Variants in WRN observed in about 807,000 individuals in gnomAD.
The protein encoded by WRN is WRN RecQ like helicase.
A neutral mutation model predicts 180.7 loss-of-function variants in WRN; 149 were observed. The ratio of observed to expected loss-of-function variants is 0.82; its 90% CI spans 0.72 to 0.94. The LOEUF is 0.94. Among genes scored for constraint, WRN ranks in the 40% least tolerant of loss-of-function variants. The pLI is 0.00. For synonymous variants in WRN, 548 were observed against 568.9 expected (o/e 0.96, Z 0.52); for missense variants, 1,661 against 1,700.1 (o/e 0.98, Z 0.40).
intron 32 of WRN, among the ~76,000 whole-genome samples, chr8:31,155,465 T>C (rs1803345381): frequency 6.6e-6 from 1 of 151,746 alleles, no homozygotes; most frequent in South Asian, 2.1e-4. Context: ...TTACTAAAAA[T>C]ACAAAAATTA....
In WRN at chr8:31,085,191, A is replaced by G. The variant is rs1813481254; in HGVS notation, c.1376A>G (p.Asn459Ser). 1 of 1,612,954 alleles carries G rather than the reference A, an allele frequency of 6.2e-7. No homozygotes were observed. Among genetic ancestry groups the G allele is most frequent in the Admixed American group, 1.7e-5 (1 of 59,978 alleles). ...CATTTATCTCCCAATGATAATGAAAACGATACGTCCTATGTAATTGAGAGT... is the reference window on the plus strand; with the variant it reads ...CATTTATCTCCCAATGATAATGAAAGCGATACGTCCTATGTAATTGAGAGT... ...LKHLSPNDNE[N>S]DTSYVIESDE... The change falls in exon 11 of 35, where the codon AAC (asparagine) becomes AGC (serine). Residue 459 changes from asparagine (N) to serine (S), a missense_variant. By Grantham distance (46) the Asn-to-Ser change is conservative (BLOSUM62 1). Transcript: ENST00000298139.
intron 20 of WRN, among the ~76,000 whole-genome samples, chr8:31,117,463 G>A (rs549951249): frequency 6.6e-6 from 1 of 152,306 alleles, no homozygotes; most frequent in South Asian, 2.1e-4. Flanking sequence ...AAATTCTACA[G>A]TTGAGATTCC....
intron 19 of WRN, among the ~76,000 whole-genome samples, chr8:31,112,845 T>C (rs112989750): frequency 0.032 from 4,940 of 152,160 alleles, 268 homozygotes; most frequent in African/African-American, 0.11. Flanking sequence ...GTGTTGGCCT[T>C]CCAAAGTGCT....
At chr8:31,076,121 A>G (rs1448084178) in intron 7 of WRN, 52 bp from the exon 8 acceptor site, 2 of 1,410,176 alleles carry the variant, frequency 1.4e-6, no homozygotes, top group Non-Finnish European at 2.0e-6. Flanking sequence ...TGGCTAAATG[A>G]ATATCTCTGC....
At chr8:31,049,498 C>T (rs1034277472) in intron 1 of WRN, among the ~76,000 whole-genome samples, 3 of 146,838 alleles carry the variant, frequency 2.0e-5, no homozygotes, top group Non-Finnish European at 3.0e-5. Context: ...AGCAACAGAG[C>T]TAGACTCTGT....
At chr8:31,078,376 A>C (rs989795608) in intron 8 of WRN, among the ~76,000 whole-genome samples, 6 of 152,158 alleles carry the variant, frequency 3.9e-5, no homozygotes, top group African/African-American at 1.2e-4. Context: ...CAGTCAAAAT[A>C]ATGCTATAAG....
chr8:31,087,669 C>A, intron 11 of WRN, 107 bp from the exon 12 acceptor site: 2 of 1,182,082 alleles, frequency 1.7e-6, no homozygotes, highest in Non-Finnish European at 2.5e-6. Context: ...CATCTGCCAG[C>A]TTTCGACAAA....
At chr8:31,053,824 G>C (rs1812166230) in intron 1 of WRN, among the ~76,000 whole-genome samples, 1 of 152,202 alleles carries the variant, frequency 6.6e-6, no homozygotes, top group Admixed American at 6.5e-5. Flanking sequence ...ACTAGTAGAG[G>C]AAAGTCAGTG....
chr8:31,088,554 G>A lies in WRN; in HGVS notation c.1577-336G>A, dbSNP rs568558422. Among the ~76,000 whole-genome samples, 68 of 152,054 alleles carry A rather than the reference G, an allele frequency of 4.5e-4. 1 individual carries two copies. The South Asian group carries it at 0.014, about 31-fold the overall frequency. On this transcript the variant is annotated intron_variant, in intron 12 of 34. Coordinates refer to ENST00000298139, the MANE Select transcript of WRN (RefSeq NM_000553.6). ...TAATTTCTGATTACCATTAATTGAA[G>A]GTTGGTTATATTATAACATTTGGAT...
At chr8:31,114,239 A>G (rs1474244475) in intron 19 of WRN, among the ~76,000 whole-genome samples, 2 of 152,152 alleles carry the variant, frequency 1.3e-5, no homozygotes, top group Non-Finnish European at 2.9e-5. Context: ...TCAGTATTCA[A>G]GTATTTTTAT....
chr8:31,043,491 A>G (rs534129741), intron 1 of WRN, among the ~76,000 whole-genome samples: 1 of 152,314 alleles, frequency 6.6e-6, no homozygotes, highest in Admixed American at 6.5e-5. Flanking sequence ...GGAGGGCTGA[A>G]TGGAGATTAG....
intron 8 of WRN, among the ~76,000 whole-genome samples, chr8:31,078,705 A>G (rs1813188887): frequency 1.3e-5 from 2 of 152,126 alleles, no homozygotes; most frequent in Non-Finnish European, 2.9e-5. Flanking sequence ...TTCGGTATAT[A>G]TCTCTTCTAT....
intron 7 of WRN, among the ~76,000 whole-genome samples, chr8:31,074,380 A>G (rs1813023148): frequency 1.3e-5 from 2 of 152,166 alleles, no homozygotes; most frequent in South Asian, 2.1e-4. Context: ...AGAGATCTGA[A>G]GACTGAATAA....
In WRN at chr8:31,088,905, C is replaced by T. The variant is rs1190792876; in HGVS notation, c.1592C>T (p.Ala531Val). 6.2e-7 allele frequency: 1 copy of T among 1,610,878 alleles called. No homozygotes were observed. The highest frequency in any genetic ancestry group is 8.5e-7 in the Non-Finnish European group (1 of 1,178,452). ...EDDDKDFLWP[A>V]PNEEQVTCLK... is the part of the protein sequence containing the mutation. ...TTATTTCCAGACTTTTTGTGGCCAGCACCCAATGAAGAGCAAGTTACTTGC... is the reference window on the plus strand; with the variant it reads ...TTATTTCCAGACTTTTTGTGGCCAGTACCCAATGAAGAGCAAGTTACTTGC... The change falls in exon 13 of 35, where the codon GCA becomes GTA. Residue 531 changes from alanine to valine, a missense_variant. By Grantham distance (64) the Ala-to-Val change is moderately conservative (BLOSUM62 0). Around this residue, in one of 3 missense-constraint regions of WRN, gnomAD observed 1,141 missense variants for 1,149.4 expected, o/e 0.99. Coordinates refer to ENST00000298139, the MANE Select transcript of WRN (RefSeq NM_000553.6).
intron 23 of WRN, among the ~76,000 whole-genome samples, chr8:31,129,962 G>C (rs1368422988): frequency 7.3e-6 from 1 of 137,836 alleles, no homozygotes; most frequent in East Asian, 2.2e-4. Context: ...CCGAGATTGG[G>C]CCACTGCACT....
chr8:31,082,381 A>G (rs1813351375), intron 9 of WRN, among the ~76,000 whole-genome samples: 1 of 152,166 alleles, frequency 6.6e-6, no homozygotes, highest in African/African-American at 2.4e-5. Context: ...TATTTTGGTA[A>G]CTATTAGTAA....
intron 21 of WRN, among the ~76,000 whole-genome samples, chr8:31,124,162 TTAA>T (rs1801829583): frequency 6.6e-6 from 1 of 152,058 alleles, no homozygotes; most frequent in African/African-American, 2.4e-5. Context: ...AAGGTAAAAA[TTAA>T]TAAATTGTAG....
intron 3 of WRN, among the ~76,000 whole-genome samples, chr8:31,063,166 T>C (rs2130026342): frequency 6.6e-6 from 1 of 152,334 alleles, no homozygotes; most frequent in South Asian, 2.1e-4. Context: ...CTTAATAATT[T>C]TATGTCTGAA....
At chr8:31,074,111 G>C (rs1813012043) in intron 7 of WRN, among the ~76,000 whole-genome samples, 1 of 149,958 alleles carries the variant, frequency 6.7e-6, no homozygotes, top group Non-Finnish European at 1.5e-5. Context: ...ATTTTTAGTA[G>C]AGACGGGGTT....
Sources: gnomAD v4.1 joint callset for allele counts (sites outside exome capture counted in the v4.1 genomes callset) on GRCh38, gnomAD v4.1.1 for gene constraint, gnomAD v4.1.1 regional missense constraint, MANE v1.5 for transcripts, NCBI Gene and HGNC (gene_info 2026-07-23, HGNC 2026-07-21) for gene names.